Variants in IL12RB1 observed in about 807,000 individuals in gnomAD.
IL12RB1 encodes interleukin 12 receptor subunit beta 1.
A neutral mutation model predicts 94.4 loss-of-function variants in IL12RB1; 64 were observed. That is an observed-to-expected ratio of 0.68 (90% CI 0.55 to 0.83). The LOEUF (loss-of-function observed/expected upper bound fraction) is 0.83. IL12RB1 is among the 40% of genes least tolerant of loss of function. IL12RB1 has a pLI of 0.00. For synonymous variants in IL12RB1, 362 were observed against 355.5 expected, an observed-to-expected ratio of 1.02 and a Z score of -0.21; for missense variants, 814 against 855.6, an observed-to-expected ratio of 0.95 and a Z score of 0.61.
At chr19:18,083,150 A>G (rs2036032998) in intron 2 of IL12RB1, 2 of 566,452 alleles carry the variant, frequency 3.5e-6, no homozygotes, top group Non-Finnish European at 6.3e-6. Flanking sequence ...CAAAATGCTT[A>G]ACAGGTACTT....
At chr19:18,083,857 A>C in intron 1 of IL12RB1, among the ~76,000 whole-genome samples, 1 of 144,100 alleles carries the variant, frequency 6.9e-6, no homozygotes, top group South Asian at 2.2e-4. Context: ...CCATCCATCC[A>C]CTCATCTACC....
At chr19:18,097,510 A>G (rs2037050130) in intron 1 of IL12RB1, among the ~76,000 whole-genome samples, 4 of 152,170 alleles carry the variant, frequency 2.6e-5, no homozygotes, top group Admixed American at 2.6e-4. Flanking sequence ...TGCGCTGGGC[A>G]TATTGATTAA....
chr19:18,076,464 G>A, intron 5 of IL12RB1, 137 bp from the exon 6 acceptor site: 1 of 687,364 alleles, frequency 1.5e-6, no homozygotes, highest in African/African-American at 1.8e-5. Flanking sequence ...GTGCAGTGGT[G>A]CAATCATGGC....
intron 6 of IL12RB1, among the ~76,000 whole-genome samples, 189 bp from the exon 7 acceptor site, chr19:18,076,057 C>T (rs2035453339): frequency 6.6e-6 from 1 of 152,154 alleles, no homozygotes; most frequent in African/African-American, 2.4e-5. Flanking sequence ...CCATCCCTGC[C>T]CCTCAGTTCA....
At chr19:18,073,868 A>C (rs2035256299) in intron 7 of IL12RB1, among the ~76,000 whole-genome samples, 2 of 152,210 alleles carry the variant, frequency 1.3e-5, no homozygotes, top group African/African-American at 2.4e-5. Context: ...TCTATTACCT[A>C]GGCTGGAGTG....
At chr19:18,090,340 G>A (rs1260419291), upstream of IL12RB1, among the ~76,000 whole-genome samples, 4 of 152,080 alleles carry the variant, frequency 2.6e-5, no homozygotes, top group East Asian at 7.7e-4. Flanking sequence ...GCAAGACCCT[G>A]CTCAAAAAAT....
chr19:18,079,861 C>T (rs994748409), intron 4 of IL12RB1, among the ~76,000 whole-genome samples: 24 of 151,994 alleles, frequency 1.6e-4, no homozygotes, highest in Admixed American at 1.6e-3. Flanking sequence ...CGCGCCACTG[C>T]ACTCCAGCCT....
chr19:18,089,253 A>G (rs2146540000), upstream of IL12RB1, among the ~76,000 whole-genome samples: 1 of 152,130 alleles, frequency 6.6e-6, no homozygotes, highest in African/African-American at 2.4e-5. Flanking sequence ...GGGTGATGCA[A>G]ATGTTCTGGA....
chr19:18,063,073 C>CTTTTTTTT (rs2034272744), intron 13 of IL12RB1, among the ~76,000 whole-genome samples: 1 of 109,324 alleles, frequency 9.1e-6, no homozygotes, highest in African/African-American at 3.9e-5. Context: ...CCTTCTTCTT[C>CTTTTTTTT]TTCTATTTTT....
chr19:18,062,337 A>G, intron 13 of IL12RB1, 60 bp from the exon 14 acceptor site: 1 of 1,045,854 alleles, frequency 9.6e-7, no homozygotes, highest in Non-Finnish European at 1.4e-6. Flanking sequence ...TCAGGGAAGG[A>G]GCTAGGAGGG....
Position 18,059,382 on chromosome 19 carries a change from G to A in IL12RB1, c.*226C>T, listed in dbSNP as rs2033957241. ...CTACGCCAGAACAGGTAAATGGCAG[G>A]GTCTGCTCCTGCCCCACGGATGCCA... On this transcript the variant is annotated 3_prime_UTR_variant, in exon 17 of 17. Coordinates refer to ENST00000593993, the MANE Select transcript of IL12RB1 (RefSeq NM_005535.3). 1 of 616,542 alleles carries A rather than the reference G, an allele frequency of 1.6e-6. No homozygotes were observed. The highest frequency in any genetic ancestry group is 2.9e-6 in the Non-Finnish European group (1 of 342,974). The allele number at this position is 616,542 out of a possible 1,614,324, so 38.2% of individuals were successfully genotyped here.
chr19:18,085,357 G>C (rs1404117500), intron 1 of IL12RB1, among the ~76,000 whole-genome samples: 1 of 12,314 alleles, frequency 8.1e-5, no homozygotes, highest in African/African-American at 3.7e-4. Flanking sequence ...CCACCCCTGA[G>C]AGCCTAAAGC....
intron 13 of IL12RB1, among the ~76,000 whole-genome samples, chr19:18,063,078 A>ATTTTTTTTTTTTTT (rs67262412): frequency 1.9e-5 from 1 of 51,464 alleles, no homozygotes; most frequent in African/African-American, 1.0e-4. Context: ...TTCTTCTTCT[A>ATTTTTTTTTTTTTT]TTTTTTTTTT....
chr19:18,059,929 A>G lies in IL12RB1; in HGVS notation c.1948T>C (p.Leu650=), dbSNP rs1198076493. 4 of 1,591,744 alleles carry G rather than the reference A, an allele frequency of 2.5e-6. No homozygotes were observed. Among genetic ancestry groups the G allele is most frequent in the African/African-American group, 1.3e-5 (1 of 74,112 alleles). The change falls in exon 16 of 17, where the codon TTG becomes CTG. Residue 650 remains leucine (L), a synonymous_variant. Transcript: ENST00000593993. The stretch of plus-strand genomic sequence containing the variant: ...CACCTGTCTCCATCCTCCAAGGACA[A>G]CTCTGTATCCAGGGCCAGCTCAGGG... The part of the protein sequence containing the change: ...GAPELALDTE[L]SLEDGDRCKA...
chr19:18,082,968 A>G lies in IL12RB1; in HGVS notation c.124+464T>C, dbSNP rs1908104112. ...TGTGGTGGCGGGCACCTGTAATCCC[A>G]GCTACTTGGAAGGCTGAGGCTGGAG... On this transcript the variant is annotated intron_variant, in intron 2 of 16. Transcript: ENST00000593993. 1.2e-5 allele frequency: 3 copies of G among 256,492 alleles called. No individual in the cohort carries two copies. The South Asian group carries it at 1.3e-4, about 11-fold the overall frequency. The allele number at this position is 256,492 out of a possible 1,614,324, so 15.9% of individuals were successfully genotyped here.
At chr19:18,066,062 G>T in intron 12 of IL12RB1, among the ~76,000 whole-genome samples, 1 of 143,392 alleles carries the variant, frequency 7.0e-6, no homozygotes, top group South Asian at 2.2e-4. Flanking sequence ...AAAAAAAAAA[G>T]ACCCTCAAGT....
intron 9 of IL12RB1, chr19:18,071,114 T>C (rs950513445): frequency 3.7e-5 from 11 of 299,492 alleles, no homozygotes; most frequent in Non-Finnish European, 5.2e-5. Flanking sequence ...GGCTCACGCC[T>C]ATAATCCCAA....
At chr19:18,084,182 A>ACCAT (rs2036143824) in intron 1 of IL12RB1, among the ~76,000 whole-genome samples, 1 of 134,090 alleles carries the variant, frequency 7.5e-6, no homozygotes, top group Non-Finnish European at 1.6e-5. Context: ...CATCTGCCCC[A>ACCAT]CCATCCATCC....
chr19:18,068,801 T>G (rs1458243786), intron 10 of IL12RB1, among the ~76,000 whole-genome samples: 2 of 145,220 alleles, frequency 1.4e-5, no homozygotes, highest in Non-Finnish European at 3.0e-5. Flanking sequence ...CAGGCTGGAG[T>G]GCAATAGCGC....
Sources: gnomAD v4.1 joint callset for allele counts (sites outside exome capture counted in the v4.1 genomes callset) on GRCh38, gnomAD v4.1.1 for gene constraint, MANE v1.5 for transcripts, NCBI Gene and HGNC (gene_info 2026-07-23, HGNC 2026-07-21) for gene names.